VPS50: variants seen among roughly 807,000 people sequenced by gnomAD.
The protein encoded by VPS50 is syndetin.
Under a neutral mutation model 139.7 loss-of-function variants are expected in VPS50, and 70 were observed. The observed-to-expected ratio is 0.50, with a 90% CI of 0.41 to 0.61. The LOEUF (loss-of-function observed/expected upper bound fraction) is 0.61. VPS50 is among the 20% of genes least tolerant of loss of function. The pLI is 0.00. For synonymous variants in VPS50, 365 were observed against 376.7 expected, an observed-to-expected ratio of 0.97 and a Z score of 0.36; for missense variants, 921 against 1,133.7, an observed-to-expected ratio of 0.81 and a Z score of 2.69.
Position 93,303,449 on chromosome 7 carries a change from C to CT in VPS50, c.1362-4dup. ...TCTCACTTTTTGGAGTGTTCATTTTCTTTTTTTAAGAACACGGCTCGATGA... is the reference window on the plus strand; with the variant it reads ...TCTCACTTTTTGGAGTGTTCATTTTCTTTTTTTTAAGAACACGGCTCGATGA... On this transcript the variant is annotated splice_polypyrimidine_tract_variant and intron_variant, in intron 16 of 27. Transcript: ENST00000305866. 1.6e-5 allele frequency: 24 copies of CT among 1,456,888 alleles called. No homozygotes were observed. Among genetic ancestry groups the CT allele is most frequent in the Non-Finnish European group, 2.1e-5 (22 of 1,054,826 alleles). 90.2% of individuals were successfully genotyped at this position (1,456,888 alleles called of 1,614,324 possible).
intron 23 of VPS50, among the ~76,000 whole-genome samples, chr7:93,345,030 G>A (rs931877396): frequency 9.2e-5 from 14 of 152,078 alleles, no homozygotes; most frequent in African/African-American, 4.8e-5. Flanking sequence ...CAAAATTAAC[G>A]AATCCAGGAG....
chr7:93,296,840 G>A lies in VPS50; in HGVS notation c.1262+4G>A. On this transcript the variant is annotated splice_donor_region_variant and intron_variant, in intron 15 of 27. Transcript: ENST00000305866. The stretch of plus-strand genomic sequence containing the variant: ...TTGTTTTGGATATAATCAGCAGGTA[G>A]TATTTAAGATCTTGTCTTATTCTTT... 1.3e-6 allele frequency: 2 copies of A among 1,592,314 alleles called. No individual in the cohort carries two copies. Among genetic ancestry groups the A allele is most frequent in the Non-Finnish European group, 1.7e-6 (2 of 1,174,046 alleles).
chr7:93,358,398 C>T lies in VPS50; in HGVS notation c.2857C>T (p.Leu953=). 1 of 1,611,710 alleles carries T rather than the reference C, an allele frequency of 6.2e-7. No individual in the cohort carries two copies. Among genetic ancestry groups the T allele is most frequent in the Non-Finnish European group, 8.5e-7 (1 of 1,178,000 alleles). ...CAATAAGAAAGCAAGACAAAAACTT[C>T]TAGCAGCTATAGATGATATAGACAG... ...HINKKARQKL[L]AAIDDIDRPK... is the part of the protein sequence containing the mutation. Residue 953 remains leucine (L), a synonymous_variant, in exon 28 of 28, where the codon CTA becomes TTA. Transcript: ENST00000305866.
At chr7:93,261,926 A>G (rs1795697770) in intron 9 of VPS50, among the ~76,000 whole-genome samples, 1 of 152,162 alleles carries the variant, frequency 6.6e-6, no homozygotes, top group African/African-American at 2.4e-5. Context: ...TATTGGATTT[A>G]TAGCAACAAA....
chr7:93,346,280 C>G (rs1271235943), intron 23 of VPS50, among the ~76,000 whole-genome samples: 1 of 152,110 alleles, frequency 6.6e-6, no homozygotes, highest in Non-Finnish European at 1.5e-5. Flanking sequence ...ATGTGAAGGA[C>G]CTCTTCAAGG....
intron 16 of VPS50, among the ~76,000 whole-genome samples, chr7:93,299,463 G>T (rs1796912244): frequency 2.0e-5 from 3 of 152,124 alleles, no homozygotes; most frequent in Non-Finnish European, 4.4e-5. Flanking sequence ...TTTGCTAATA[G>T]AAGTGTTTAA....
intron 12 of VPS50, among the ~76,000 whole-genome samples, chr7:93,289,378 T>TTTC (rs1253165216): frequency 2.0e-4 from 31 of 152,092 alleles, no homozygotes; most frequent in Non-Finnish European, 4.1e-4. Flanking sequence ...TAGTCTTTTT[T>TTTC]TCCCCAAACT....
At chr7:93,342,751 A>G (rs1798259917) in intron 23 of VPS50, among the ~76,000 whole-genome samples, 1 of 152,196 alleles carries the variant, frequency 6.6e-6, no homozygotes, top group South Asian at 2.1e-4. Context: ...GGGTACTCCA[A>G]CAGACCTGCA....
Position 93,311,316 on chromosome 7 carries a change from G to C in VPS50, c.1855+44G>C, listed in dbSNP as rs780990312. ...AAAAAAAATTATAACAGTTAAATTA[G>C]TTTGTTACCGAATGACTTTTACTTG... is the stretch of plus-strand genomic sequence containing the variant. On this transcript the variant is annotated intron_variant, in intron 20 of 27. Transcript: ENST00000305866. 21 of 837,590 alleles carry C rather than the reference G, an allele frequency of 2.5e-5. No homozygotes were observed. In the Admixed American group the frequency reaches 3.9e-4, roughly 15 times the overall value. 51.9% of individuals were successfully genotyped at this position (837,590 alleles called of 1,614,324 possible). A position where few individuals can be genotyped will look rare whatever the true frequency, so the allele number is the denominator to read the frequency against.
In VPS50 at chr7:93,303,372, T is replaced by C. The variant is rs538340745; in HGVS notation, c.1362-88T>C. The stretch of plus-strand genomic sequence containing the variant: ...TATGATCATGACAATAATCCTATAA[T>C]TATTTGTATTGTACATTATTTCCTC... On this transcript the variant is annotated intron_variant, in intron 16 of 27. Coordinates refer to ENST00000305866, the MANE Select transcript of VPS50 (RefSeq NM_017667.4). 6 of 535,740 alleles carry C rather than the reference T, an allele frequency of 1.1e-5. No individual in the cohort carries two copies. The Admixed American group carries it at 1.1e-4, about 10-fold the overall frequency. 33.2% of individuals were successfully genotyped at this position (535,740 alleles called of 1,614,324 possible).
chr7:93,276,695 T>C (rs900430369), intron 12 of VPS50, among the ~76,000 whole-genome samples: 2 of 152,224 alleles, frequency 1.3e-5, no homozygotes, highest in African/African-American at 2.4e-5. Context: ...TGTCAGCATC[T>C]GTAACTGGTT....
intron 21 of VPS50, among the ~76,000 whole-genome samples, chr7:93,333,214 A>G (rs917238351): frequency 1.3e-5 from 2 of 152,118 alleles, no homozygotes; most frequent in African/African-American, 4.8e-5. Flanking sequence ...GCACAGTGTT[A>G]TGGCACAACT....
chr7:93,278,433 C>CA (rs544585879), intron 12 of VPS50, among the ~76,000 whole-genome samples: 3,476 of 141,454 alleles, frequency 0.025, 132 homozygotes, highest in African/African-American at 0.083. Flanking sequence ...ACTAAAAATA[C>CA]AAAAAAAAAA....
intron 12 of VPS50, among the ~76,000 whole-genome samples, chr7:93,286,075 C>T (rs1165454569): frequency 1.3e-5 from 2 of 152,016 alleles, no homozygotes; most frequent in Admixed American, 1.3e-4. Flanking sequence ...TTTCCCCTCA[C>T]TTTACAGTCT....
At chr7:93,329,954 A>G (rs1026150415) in intron 21 of VPS50, among the ~76,000 whole-genome samples, 3 of 152,198 alleles carry the variant, frequency 2.0e-5, no homozygotes, top group African/African-American at 7.2e-5. Context: ...GATCCTCAGA[A>G]AAGAGTAAAG....
intron 21 of VPS50, among the ~76,000 whole-genome samples, chr7:93,330,837 G>A (rs1214946962): frequency 6.7e-6 from 1 of 150,026 alleles, no homozygotes; most frequent in African/African-American, 2.5e-5. Context: ...GAAATATAAG[G>A]CATATGGATT....
chr7:93,303,019 G>C (rs1237695152), intron 16 of VPS50, among the ~76,000 whole-genome samples: 2 of 151,906 alleles, frequency 1.3e-5, no homozygotes, highest in Admixed American at 6.6e-5. Context: ...TGCTATTGTG[G>C]CTTCACTAGG....
At chr7:93,334,280 C>A in intron 22 of VPS50, 83 bp downstream of exon 22, 1 of 790,300 alleles carries the variant, frequency 1.3e-6, no homozygotes. Flanking sequence ...AAATGTGTGT[C>A]TATATGTATT....
chr7:93,354,886 A>G (rs1234437385), intron 26 of VPS50, among the ~76,000 whole-genome samples: 1 of 152,032 alleles, frequency 6.6e-6, no homozygotes, highest in Non-Finnish European at 1.5e-5. Flanking sequence ...TCACACTATC[A>G]TTTGTCTGAT....
Sources: gnomAD v4.1 joint callset for allele counts (sites outside exome capture counted in the v4.1 genomes callset) on GRCh38, gnomAD v4.1.1 for gene constraint, MANE v1.5 for transcripts, NCBI Gene and HGNC (gene_info 2026-07-23, HGNC 2026-07-21) for gene names.